THSD1: variants seen among roughly 807,000 people sequenced by gnomAD.
The protein encoded by THSD1 is thrombospondin type 1 domain containing 1, also known as thrombospondin type-1 domain-containing protein 1.
In THSD1, 34 loss-of-function variants were observed where a neutral mutation model predicts 46.3. That is an observed-to-expected ratio of 0.74 (90% confidence interval 0.56 to 0.98). The LOEUF (loss-of-function observed/expected upper bound fraction) is 0.98, where lower values mean the gene tolerates loss of function less well. THSD1 is among the 50% of genes least tolerant of loss of function. The pLI is 0.00. For missense variants in THSD1, 1,023 were observed against 1,058.3 expected (o/e 0.97, Z 0.46); for synonymous variants, 407 against 416.5 (o/e 0.98, Z 0.28).
chr13:52,402,514 G>C (rs74085767), intron 2 of THSD1, 29 bp downstream of exon 2: 2 of 1,601,842 alleles, frequency 1.2e-6, no homozygotes, highest in East Asian at 4.5e-5. Context: ...ATTGCTACCA[G>C]TAGCGTTAAG....
rs144539783 is a variant in THSD1, at chr13:52,393,487, G to A, written c.1021+3745C>T. ...ATCCTGACCAACATGGTGAAACCCC[G>A]TCTCTACTAAAAATACAAAAATTAG... On this transcript the variant is annotated intron_variant, in intron 3 of 4. Transcript: ENST00000258613. Among the ~76,000 whole-genome samples the A allele has an allele frequency of 4.0e-3, 615 of 152,022 alleles. 2 individuals carry two copies. The highest frequency in any genetic ancestry group is 0.013 in the African/African-American group (555 of 41,464).
rs1957666698 is a variant in THSD1, at chr13:52,378,799, AAAAC to A, written c.1181-14_1181-11del. 6.5e-7 allele frequency: 1 copy of A among 1,550,320 alleles called. No individual in the cohort carries two copies. Among genetic ancestry groups the A allele is most frequent in the South Asian group, 1.2e-5 (1 of 83,528 alleles). On this transcript the variant is annotated splice_polypyrimidine_tract_variant and intron_variant, in intron 4 of 4. Transcript: ENST00000258613. ...CTGGATGGCTGGAAAGCTGCAAAAA[AAAAC>A]AAAACAAAACAAACAAACAAAAAAC...
At chr13:52,398,298 T>C (rs1052470382) in intron 2 of THSD1, 104 bp from the exon 3 acceptor site, 30 of 1,491,318 alleles carry the variant, frequency 2.0e-5, no homozygotes, top group Non-Finnish European at 2.7e-5. Flanking sequence ...TGAGACAGGG[T>C]CTCATGCTGT....
rs1352900076 is a variant in THSD1 at position 52,386,204 on chromosome 13, A to G, written c.1022-18T>C. 6.2e-7 allele frequency: 1 copy of G among 1,608,634 alleles called. No individual in the cohort carries two copies. Among genetic ancestry groups the G allele is most frequent in the Non-Finnish European group, 8.5e-7 (1 of 1,177,020 alleles). ...CCAAGTTTCTGCAAGGATATAAGTT[A>G]TGCTTTTAATGCTAGTTCATTTGAG... On this transcript the variant is annotated intron_variant, in intron 3 of 4. Coordinates refer to ENST00000258613, the MANE Select transcript of THSD1 (RefSeq NM_018676.4).
chr13:52,391,744 A>G (rs548800667), intron 3 of THSD1, among the ~76,000 whole-genome samples: 23 of 151,888 alleles, frequency 1.5e-4, no homozygotes, highest in African/African-American at 5.1e-4. Flanking sequence ...AGGTTTCACT[A>G]TGTTGGCCAG....
Position 52,397,729 on chromosome 13 carries a change from A to C in THSD1, c.524T>G (p.Leu175Arg), listed in dbSNP as rs1957822592. 11 of 1,614,214 alleles carry C rather than the reference A, an allele frequency of 6.8e-6. No individual in the cohort carries two copies. The highest frequency in any genetic ancestry group is 1.6e-4 in the Middle Eastern group (1 of 6,062). Residue 175 changes from leucine to arginine, a missense_variant, in exon 3 of 5, where the codon CTT becomes CGT. Leu to Arg is a moderately radical substitution (Grantham distance 102). Coordinates refer to ENST00000258613, the MANE Select transcript of THSD1 (RefSeq NM_018676.4). ...IVVDVIFTNSLPEARRNSRQP... is the reference protein window; with the variant it reads ...IVVDVIFTNSRPEARRNSRQP... ...TCTTGAATTTCTTCTTGCCTCAGGA[A>C]GACTGTTGGTGAAGATGACATCCAC...
At position 52,397,814 on chromosome 13, in the gene THSD1, C is replaced by G; in HGVS notation, c.439G>C (p.Val147Leu). 1 of 1,614,266 alleles carries G rather than the reference C, an allele frequency of 6.2e-7. No homozygotes were observed. The highest frequency in any genetic ancestry group is 8.5e-7 in the Non-Finnish European group (1 of 1,180,048). ...SAKAAEGTFQ[V>L]GLFTSQPLCP... is the part of the protein sequence containing the mutation. The stretch of plus-strand genomic sequence containing the variant: ...AGTGGTTGACTGGTAAATAGGCCCA[C>G]TTGGAAGGTGCCTTCTGCTGCCTTG... The change falls in exon 3 of 5, where the codon GTG becomes CTG. Residue 147 changes from valine (V) to leucine (L), a missense_variant. By Grantham distance (32) the Val-to-Leu change is conservative. Coordinates refer to ENST00000258613, the MANE Select transcript of THSD1 (RefSeq NM_018676.4).
At chr13:52,396,867 A>G (rs979269178) in intron 3 of THSD1, among the ~76,000 whole-genome samples, 10 of 152,228 alleles carry the variant, frequency 6.6e-5, no homozygotes, top group African/African-American at 2.4e-4. Flanking sequence ...AATCTCTGCC[A>G]TTAACTTACC....
At chr13:52,380,315 C>T (rs943351366) in intron 4 of THSD1, among the ~76,000 whole-genome samples, 3 of 113,398 alleles carry the variant, frequency 2.6e-5, no homozygotes, top group Non-Finnish European at 6.6e-5. Context: ...TGTGCTTCAT[C>T]TTCTCCACCC....
intron 3 of THSD1, among the ~76,000 whole-genome samples, chr13:52,395,985 C>G (rs148855744): frequency 0.017 from 2,626 of 152,210 alleles, 31 homozygotes; most frequent in Non-Finnish European, 0.028. Flanking sequence ...TGTGTCCTGG[C>G]AGGCGTATCA....
At chr13:52,395,475 C>T (rs1321329510) in intron 3 of THSD1, among the ~76,000 whole-genome samples, 1 of 152,042 alleles carries the variant, frequency 6.6e-6, no homozygotes. Flanking sequence ...AGTCTTAGTC[C>T]AGAAATGCTG....
At chr13:52,379,232 C>T (rs1363808685) in intron 4 of THSD1, among the ~76,000 whole-genome samples, 6 of 152,118 alleles carry the variant, frequency 3.9e-5, no homozygotes, top group Non-Finnish European at 7.4e-5. Context: ...CTCTAATTAT[C>T]TAGCAGTTAA....
chr13:52,392,138 G>A (rs1204755778), intron 3 of THSD1, among the ~76,000 whole-genome samples: 1 of 145,798 alleles, frequency 6.9e-6, no homozygotes, highest in Non-Finnish European at 1.5e-5. Flanking sequence ...CTTGCGGTGA[G>A]CCGAGATCGC....
Position 52,401,696 on chromosome 13 carries a change from G to A in THSD1, c.58+847C>T, listed in dbSNP as rs569961122. Among the ~76,000 whole-genome samples, 23 of 152,334 alleles carry A rather than the reference G, an allele frequency of 1.5e-4. No homozygotes were observed. In the South Asian group the frequency reaches 3.9e-3, roughly 26 times the overall value. On this transcript the variant is annotated intron_variant, in intron 2 of 4. Transcript: ENST00000258613. Reference sequence around the variant, plus strand: ...CTTAAAAAAGAAAAGACTGAGAAAGGAGGTCTACTGAATGAAATGAACAGC... The same window carrying A: ...CTTAAAAAAGAAAAGACTGAGAAAGAAGGTCTACTGAATGAAATGAACAGC...
At chr13:52,385,280 T>A (rs1388278104) in intron 4 of THSD1, among the ~76,000 whole-genome samples, 1 of 152,124 alleles carries the variant, frequency 6.6e-6, no homozygotes, top group Non-Finnish European at 1.5e-5. Flanking sequence ...TAAATGTGGA[T>A]TGTCTGTCAG....
intron 2 of THSD1, among the ~76,000 whole-genome samples, chr13:52,399,392 C>T (rs1355164333): frequency 6.6e-6 from 1 of 152,088 alleles, no homozygotes; most frequent in Non-Finnish European, 1.5e-5. Flanking sequence ...ATTGAAGTTC[C>T]CTTTAGGTTT....
At chr13:52,385,351 AC>A (rs1957722887) in intron 4 of THSD1, among the ~76,000 whole-genome samples, 1 of 152,210 alleles carries the variant, frequency 6.6e-6, no homozygotes, top group Non-Finnish European at 1.5e-5. Context: ...TGGTAAATGA[AC>A]AGGATTTAGC....
rs751105455 is a variant in THSD1 at position 52,377,888 on chromosome 13, T to G, written c.2082A>C (p.Arg694Ser). The stretch of plus-strand genomic sequence containing the variant: ...GGGCACCTCGACTCTGAGGCCTAAA[T>G]CTGTCCTCTGCCTGCTCGCAGGTCC... ...RTRTCEQAEDRFRPQSRGAHL... is the reference protein window; with the variant it reads ...RTRTCEQAEDSFRPQSRGAHL... The change falls in exon 5 of 5, where the codon AGA becomes AGC. Residue 694 changes from arginine to serine, a missense_variant. Physicochemically the swap from Arg to Ser is moderately radical, Grantham distance 110. Coordinates refer to ENST00000258613, the MANE Select transcript of THSD1 (RefSeq NM_018676.4). 3.1e-6 allele frequency: 5 copies of G among 1,614,102 alleles called. No individual in the cohort carries two copies. Among genetic ancestry groups the G allele is most frequent in the Non-Finnish European group, 4.2e-6 (5 of 1,180,050 alleles).
intron 3 of THSD1, among the ~76,000 whole-genome samples, chr13:52,391,200 A>G (rs1957770574): frequency 6.6e-6 from 1 of 151,836 alleles, no homozygotes; most frequent in Non-Finnish European, 1.5e-5. Flanking sequence ...GGGTAATGAT[A>G]GACAGGGGAC....
Sources: allele counts gnomAD v4.1 joint callset (sites outside exome capture counted in the v4.1 genomes callset), GRCh38; gene constraint gnomAD v4.1.1; transcripts MANE v1.5; gene names NCBI Gene and HGNC (gene_info 2026-07-23, HGNC 2026-07-21).